FBXO15: variants seen among roughly 807,000 people sequenced by gnomAD.
FBXO15 encodes the protein F-box protein 15, also known as F-box only protein 15.
FBXO15 carries 30 observed loss-of-function variants against 49.5 expected under a neutral mutation model. The ratio of observed to expected loss-of-function variants is 0.61; its 90% CI spans 0.45 to 0.82. FBXO15 has a LOEUF of 0.82. Among genes scored for constraint, FBXO15 ranks in the 40% least tolerant of loss-of-function variants. FBXO15 has a pLI of 0.00. For missense variants in FBXO15, 591 were observed against 631.5 expected (o/e 0.94, Z 0.69); for synonymous variants, 250 against 232.7 (o/e 1.07, Z -0.68).
Position 74,109,771 on chromosome 18 carries a change from T to C in FBXO15, c.1138+13597A>G, listed in dbSNP as rs540233708. 7.3e-5 allele frequency among the ~76,000 whole-genome samples: 11 copies of C among 150,462 alleles called. No individual in the cohort carries two copies. The East Asian group carries it at 1.6e-3, about 21-fold the overall frequency. On this transcript the variant is annotated intron_variant, in intron 8 of 9. Coordinates refer to ENST00000419743, the MANE Select transcript of FBXO15 (RefSeq NM_001142958.2). ...GCATGTTCTCACTCGTAGGTGGGAG[T>C]TGAACAACGAGAACACATGGACACA...
chr18:74,109,499 A>G (rs1330977722), intron 8 of FBXO15, among the ~76,000 whole-genome samples: 1 of 152,352 alleles, frequency 6.6e-6, no homozygotes, highest in Non-Finnish European at 1.5e-5. Context: ...AAAGGATTAT[A>G]AATCATGCTA....
chr18:74,123,494 G>C lies in FBXO15; in HGVS notation c.1012C>G (p.Pro338Ala), dbSNP rs780054238. 5.0e-6 allele frequency: 8 copies of C among 1,611,112 alleles called. No homozygotes were observed. The highest frequency in any genetic ancestry group is 6.8e-6 in the Non-Finnish European group (8 of 1,179,260). The change falls in exon 8 of 10, where the codon CCA becomes GCA. Residue 338 changes from proline (P) to alanine (A), a missense_variant. Transcript: ENST00000419743. ...GSATIPYELP[P>A]HSPFLDDSPE... The stretch of plus-strand genomic sequence containing the variant: ...CTATCATCCAAAAAGGGGCTATGTG[G>C]AGGCAGTTCATAGGGGCTGAAAAGC...
intron 8 of FBXO15, among the ~76,000 whole-genome samples, chr18:74,105,452 T>C (rs992657036): frequency 5.3e-5 from 8 of 152,258 alleles, no homozygotes; most frequent in African/African-American, 1.7e-4. Flanking sequence ...CCAAAGGTTT[T>C]TTTTTGAGAT....
intron 8 of FBXO15, among the ~76,000 whole-genome samples, chr18:74,119,609 C>G (rs1914385088): frequency 6.6e-6 from 1 of 152,066 alleles, no homozygotes; most frequent in South Asian, 2.1e-4. Flanking sequence ...AGAGACATGA[C>G]CCCCAGGACC....
intron 1 of FBXO15, among the ~76,000 whole-genome samples, chr18:74,145,123 T>A (rs1979322016): frequency 6.6e-6 from 1 of 152,180 alleles, no homozygotes; most frequent in African/African-American, 2.4e-5. Context: ...GAAACCCTAA[T>A]TCAGTAACGA....
intron 5 of FBXO15, among the ~76,000 whole-genome samples, chr18:74,126,756 T>C (rs1417892635): frequency 6.6e-6 from 1 of 152,146 alleles, no homozygotes; most frequent in Non-Finnish European, 1.5e-5. Flanking sequence ...CAATAGGAAT[T>C]CAAAGGTACA....
At chr18:74,119,818 G>T (rs1434675071) in intron 8 of FBXO15, among the ~76,000 whole-genome samples, 2 of 152,152 alleles carry the variant, frequency 1.3e-5, no homozygotes, top group Non-Finnish European at 2.9e-5. Context: ...GGCAGAGTGG[G>T]GACACACAGG....
At chr18:74,092,205 G>A (rs1445825241) in intron 8 of FBXO15, among the ~76,000 whole-genome samples, 1 of 152,154 alleles carries the variant, frequency 6.6e-6, no homozygotes, top group Non-Finnish European at 1.5e-5. Flanking sequence ...TTCTTGAAGT[G>A]AGTTTTTCAG....
At chr18:74,133,043 T>C (rs950418777) in intron 3 of FBXO15, among the ~76,000 whole-genome samples, 5 of 152,238 alleles carry the variant, frequency 3.3e-5, no homozygotes, top group South Asian at 2.1e-4. Context: ...TAGAATACAC[T>C]GTAAACTTTT....
At chr18:74,133,386 G>T (rs895434021) in intron 3 of FBXO15, among the ~76,000 whole-genome samples, 1 of 152,200 alleles carries the variant, frequency 6.6e-6, no homozygotes, top group African/African-American at 2.4e-5. Flanking sequence ...TGCAGGTGAA[G>T]TGGAGAGAGA....
At position 74,074,844 on chromosome 18, in the gene FBXO15, A is replaced by G. The variant is rs1021922194; in HGVS notation, c.1264-1114T>C. On this transcript the variant is annotated intron_variant, in intron 9 of 9. Coordinates refer to ENST00000419743, the MANE Select transcript of FBXO15 (RefSeq NM_001142958.2). The surrounding 1 kb of genome is among the most constrained non-coding windows in gnomAD (Gnocchi z 4.7). ...TAAAAAGGCCTGAAGAGCACTGCCC[A>G]TGGACCTAGCCCACCCACTAGCCAG... is the stretch of plus-strand genomic sequence containing the variant. Among the ~76,000 whole-genome samples the G allele has an allele frequency of 5.9e-5, 9 of 152,220 alleles. No individual in the cohort carries two copies. The highest frequency in any genetic ancestry group is 2.2e-4 in the African/African-American group (9 of 41,532).
chr18:74,131,658 A>G (rs1978400203), intron 3 of FBXO15, among the ~76,000 whole-genome samples: 1 of 152,240 alleles, frequency 6.6e-6, no homozygotes, highest in South Asian at 2.1e-4. Context: ...TCCACCAGGA[A>G]AGAGAAGGAA....
intron 8 of FBXO15, among the ~76,000 whole-genome samples, chr18:74,084,287 C>T (rs1305459413): frequency 6.6e-6 from 1 of 152,234 alleles, no homozygotes; most frequent in African/African-American, 2.4e-5. Flanking sequence ...CCTCTGCTCC[C>T]AGCCCTCCTT....
intron 9 of FBXO15, among the ~76,000 whole-genome samples, chr18:74,078,331 C>T (rs1459994143): frequency 6.8e-6 from 1 of 147,926 alleles, no homozygotes; most frequent in African/African-American, 2.5e-5. Context: ...GTTTCAAGGC[C>T]CCCCCCCGAC....
At chr18:74,093,964 A>G (rs1877759553) in intron 8 of FBXO15, among the ~76,000 whole-genome samples, 1 of 152,260 alleles carries the variant, frequency 6.6e-6, no homozygotes, top group Non-Finnish European at 1.5e-5. Context: ...CAAAAGAGAG[A>G]CTACAGACTT....
At chr18:74,092,964 G>T (rs900661045) in intron 8 of FBXO15, among the ~76,000 whole-genome samples, 5 of 152,204 alleles carry the variant, frequency 3.3e-5, no homozygotes, top group Admixed American at 6.5e-5. Flanking sequence ...AGGCTGCTAG[G>T]GTCCATACAC....
intron 8 of FBXO15, among the ~76,000 whole-genome samples, chr18:74,110,265 G>A (rs1206441875): frequency 6.7e-6 from 1 of 149,738 alleles, no homozygotes; most frequent in Non-Finnish European, 1.5e-5. Flanking sequence ...TTGGGAGGGA[G>A]GAATTTGGAT....
chr18:74,127,183 C>T (rs1004800235), intron 5 of FBXO15, among the ~76,000 whole-genome samples: 3 of 152,186 alleles, frequency 2.0e-5, no homozygotes, highest in African/African-American at 7.2e-5. Context: ...GCAGTCCCTG[C>T]TAGTATCATT....
chr18:74,147,825 A>T lies in FBXO15; in HGVS notation c.-40T>A. 6.8e-7 allele frequency: 1 copy of T among 1,474,664 alleles called. No homozygotes were observed. The highest frequency in any genetic ancestry group is 9.0e-7 in the Non-Finnish European group (1 of 1,112,418). 91.3% of individuals were successfully genotyped at this position (1,474,664 alleles called of 1,614,324 possible). On this transcript the variant is annotated 5_prime_UTR_variant, in exon 1 of 10. Coordinates refer to ENST00000419743, the MANE Select transcript of FBXO15 (RefSeq NM_001142958.2). ...CACCACAGGACCGCGCCAGGGCTGA[A>T]ACGAAGAGTGCACGCACCGCCCCCA...
Sources: gnomAD v4.1 joint callset for allele counts (sites outside exome capture counted in the v4.1 genomes callset) on GRCh38, gnomAD v4.1.1 for gene constraint, Gnocchi (gnomAD v3.1) non-coding constraint, MANE v1.5 for transcripts, NCBI Gene and HGNC (gene_info 2026-07-23, HGNC 2026-07-21) for gene names.